Variants in PLEKHA7 observed in about 807,000 individuals in gnomAD.
PLEKHA7 encodes pleckstrin homology domain-containing family A member 7.
In PLEKHA7, 104 loss-of-function variants were observed where a neutral mutation model predicts 170.0. The ratio of observed to expected loss-of-function variants is 0.61; its 90% CI spans 0.52 to 0.72. PLEKHA7 has a LOEUF of 0.72. Among genes scored for constraint, PLEKHA7 ranks in the 30% least tolerant of loss-of-function variants. The pLI is 0.00. For synonymous variants in PLEKHA7, 648 were observed against 660.8 expected (o/e 0.98, Z 0.30); for missense variants, 1,615 against 1,671.7 (o/e 0.97, Z 0.59).
intron 25 of PLEKHA7, 52 bp from the exon 26 acceptor site, chr11:16,782,948 C>G: frequency 4.0e-6 from 6 of 1,518,736 alleles, no homozygotes; most frequent in Non-Finnish European, 4.4e-6. Context: ...GGGTAGCAGC[C>G]TCAGGAGTGG....
intron 3 of PLEKHA7, among the ~76,000 whole-genome samples, chr11:16,950,363 G>A (rs55967640): frequency 0.017 from 2,613 of 152,266 alleles, 89 homozygotes; most frequent in African/African-American, 0.061. Flanking sequence ...AAGTTTCAGG[G>A]ATCCCAGTTC....
chr11:16,917,527 T>C (rs1014649418), intron 3 of PLEKHA7, among the ~76,000 whole-genome samples: 1 of 152,216 alleles, frequency 6.6e-6, no homozygotes, highest in African/African-American at 2.4e-5. Context: ...TTCCAGCTTC[T>C]AGAGGCTGCC....
At chr11:16,929,770 C>CGAGGTG (rs1859799007) in intron 3 of PLEKHA7, among the ~76,000 whole-genome samples, 1 of 151,568 alleles carries the variant, frequency 6.6e-6, no homozygotes, top group South Asian at 2.1e-4. Flanking sequence ...TTTGGGAGGC[C>CGAGGTG]GAGGTGGGTG....
intron 3 of PLEKHA7, among the ~76,000 whole-genome samples, chr11:16,899,153 T>C (rs1723413149): frequency 1.3e-5 from 2 of 152,214 alleles, no homozygotes; most frequent in Admixed American, 6.5e-5. Flanking sequence ...GTAAACAATA[T>C]TTTGATTCAA....
intron 10 of PLEKHA7, among the ~76,000 whole-genome samples, chr11:16,823,790 G>C (rs1850424318): frequency 6.6e-6 from 1 of 152,078 alleles, no homozygotes; most frequent in Non-Finnish European, 1.5e-5. Context: ...AGTTGCTCAA[G>C]TCAAAATTCT....
intron 4 of PLEKHA7, among the ~76,000 whole-genome samples, chr11:16,860,933 T>C (rs1412722396): frequency 6.6e-6 from 1 of 152,170 alleles, no homozygotes; most frequent in Non-Finnish European, 1.5e-5. Context: ...ACCTCTCATC[T>C]CACAAAGCAG....
intron 3 of PLEKHA7, among the ~76,000 whole-genome samples, chr11:16,955,830 A>G (rs1861665744): frequency 6.6e-6 from 1 of 152,154 alleles, no homozygotes; most frequent in Admixed American, 6.5e-5. Context: ...GGGATCTAAA[A>G]TGACTGGAGA....
At chr11:16,916,421 G>A (rs4757444) in intron 3 of PLEKHA7, among the ~76,000 whole-genome samples, 73,530 of 151,952 alleles carry the variant, frequency 0.48, 18,350 homozygotes, top group East Asian at 0.75. Context: ...ACCTGGATTC[G>A]AATCTCAGCC....
At chr11:16,825,169 G>A (rs1311826123) in intron 10 of PLEKHA7, among the ~76,000 whole-genome samples, 1 of 152,202 alleles carries the variant, frequency 6.6e-6, no homozygotes, top group Non-Finnish European at 1.5e-5. Flanking sequence ...TTACAGCAAC[G>A]TACATATGCA....
chr11:16,794,541 G>A lies in PLEKHA7; in HGVS notation c.2692C>T (p.Leu898=), dbSNP rs185645464. The A allele has an allele frequency of 3.1e-6, 5 of 1,614,002 alleles. No homozygotes were observed. In the East Asian group the frequency reaches 1.1e-4, roughly 36 times the overall value. ...YVPYRPHPPQ[L]RKVTSPLQSP... The stretch of plus-strand genomic sequence containing the variant: ...TGAAGGGGGGATGTCACTTTCCTCA[G>A]CTGGGGTGGGTGAGGTCGGTACGGC... The change falls in exon 19 of 27, where the codon CTG becomes TTG. Residue 898 remains leucine, a synonymous_variant. Coordinates refer to ENST00000531066, the MANE Select transcript of PLEKHA7 (RefSeq NM_001329630.2).
intron 3 of PLEKHA7, among the ~76,000 whole-genome samples, chr11:16,930,963 C>A (rs1404351452): frequency 6.6e-6 from 1 of 152,138 alleles, no homozygotes; most frequent in Non-Finnish European, 1.5e-5. Flanking sequence ...GAGCACACCA[C>A]CAAGGAAGAC....
chr11:16,901,498 T>C (rs1857333498), intron 3 of PLEKHA7, among the ~76,000 whole-genome samples: 1 of 152,230 alleles, frequency 6.6e-6, no homozygotes. Context: ...CTTCCCAATA[T>C]GTCTTTTCTC....
At chr11:16,935,973 T>C (rs1164222629) in intron 3 of PLEKHA7, among the ~76,000 whole-genome samples, 1 of 152,240 alleles carries the variant, frequency 6.6e-6, no homozygotes, top group African/African-American at 2.4e-5. Flanking sequence ...AAATGTGTTT[T>C]ACTGCCTTCT....
At chr11:16,808,323 A>C (rs1480888067) in intron 13 of PLEKHA7, among the ~76,000 whole-genome samples, 1 of 152,170 alleles carries the variant, frequency 6.6e-6, no homozygotes, top group Admixed American at 6.5e-5. Flanking sequence ...AGGGTTAATA[A>C]TTTCTTCTCC....
intron 13 of PLEKHA7, among the ~76,000 whole-genome samples, chr11:16,812,712 C>T (rs76938313): frequency 0.011 from 1,635 of 152,270 alleles, 21 homozygotes; most frequent in African/African-American, 0.037. Context: ...AGCCTGCTCC[C>T]CTAGCAACAG....
At chr11:16,912,964 T>G (rs1858358595) in intron 3 of PLEKHA7, among the ~76,000 whole-genome samples, 1 of 152,162 alleles carries the variant, frequency 6.6e-6, no homozygotes, top group Non-Finnish European at 1.5e-5. Flanking sequence ...TCTTCCAAAT[T>G]AACATCCTAC....
At chr11:16,819,050 G>A (rs1219378750) in intron 10 of PLEKHA7, among the ~76,000 whole-genome samples, 6 of 151,570 alleles carry the variant, frequency 4.0e-5, no homozygotes, top group Non-Finnish European at 5.9e-5. Flanking sequence ...TGATCTGACC[G>A]CCTCGGCCTC....
intron 3 of PLEKHA7, among the ~76,000 whole-genome samples, chr11:16,940,309 C>T (rs1307826970): frequency 8.4e-6 from 1 of 118,892 alleles, no homozygotes; most frequent in African/African-American, 3.2e-5. Flanking sequence ...TTTTTTGAGA[C>T]AGAGTCTTGC....
At chr11:16,901,342 T>C (rs1857323332) in intron 3 of PLEKHA7, among the ~76,000 whole-genome samples, 1 of 152,196 alleles carries the variant, frequency 6.6e-6, no homozygotes, top group Admixed American at 6.5e-5. Flanking sequence ...ATATTTAATT[T>C]TGTGCTAAAT....
Sources: gnomAD v4.1 joint callset for allele counts (sites outside exome capture counted in the v4.1 genomes callset) on GRCh38, gnomAD v4.1.1 for gene constraint, MANE v1.5 for transcripts, NCBI Gene and HGNC (gene_info 2026-07-23, HGNC 2026-07-21) for gene names.